GLT1D1: variants seen among roughly 807,000 people sequenced by gnomAD.
The protein encoded by GLT1D1 is glycosyltransferase 1 domain-containing protein 1.
GLT1D1 carries 21 observed loss-of-function variants against 28.7 expected under a neutral mutation model. The ratio of observed to expected loss-of-function variants is 0.73; its 90% confidence interval spans 0.52 to 1.05. The LOEUF is 1.05. GLT1D1 is among the 50% of genes least tolerant of loss of function. The probability of loss-of-function intolerance (pLI) is 0.00; values close to 1 mark genes in which losing one functional copy is unlikely to be tolerated. For missense variants in GLT1D1, 343 were observed against 330.6 expected, an observed-to-expected ratio of 1.04 and a Z score of -0.29; for synonymous variants, 147 against 124.8, an observed-to-expected ratio of 1.18 and a Z score of -1.19.
At chr12:128,950,447 A>G (rs11060039) in intron 6 of GLT1D1, among the ~76,000 whole-genome samples, 68,843 of 152,124 alleles carry the variant, frequency 0.45, 16,691 homozygotes, top group Non-Finnish European at 0.54. Context: ...CCATCGCCAC[A>G]TGACAAGCAA....
At chr12:128,940,018 T>G (rs931620222) in intron 4 of GLT1D1, among the ~76,000 whole-genome samples, 2 of 151,962 alleles carry the variant, frequency 1.3e-5, no homozygotes, top group Non-Finnish European at 2.9e-5. Context: ...AAGATTAAGC[T>G]TATAGATTAT....
intron 1 of GLT1D1, among the ~76,000 whole-genome samples, chr12:128,867,539 G>A (rs970113274): frequency 3.3e-5 from 5 of 152,082 alleles, no homozygotes; most frequent in South Asian, 2.1e-4. Flanking sequence ...CAGCAGGTGC[G>A]CTTGGTCACT....
chr12:128,942,756 G>T (rs59487773), intron 4 of GLT1D1, among the ~76,000 whole-genome samples: 30,983 of 119,874 alleles, frequency 0.26, 5,254 homozygotes, highest in Non-Finnish European at 0.29. Context: ...TTTGTTTTTT[G>T]TTTTTTTTTT....
At chr12:128,910,802 G>A (rs1424248681) in intron 4 of GLT1D1, among the ~76,000 whole-genome samples, 1 of 151,986 alleles carries the variant, frequency 6.6e-6, no homozygotes, top group Non-Finnish European at 1.5e-5. Flanking sequence ...ATACCTGCTT[G>A]CACGATGAAG....
intron 4 of GLT1D1, among the ~76,000 whole-genome samples, chr12:128,929,532 G>A (rs754789506): frequency 1.3e-5 from 2 of 152,156 alleles, no homozygotes; most frequent in Admixed American, 6.5e-5. Context: ...CTGTTTTGTG[G>A]TTCTTTCTTA....
intron 4 of GLT1D1, among the ~76,000 whole-genome samples, chr12:128,908,383 TC>T (rs796406163): frequency 5.4e-4 from 23 of 42,274 alleles, no homozygotes; most frequent in East Asian, 1.3e-3. Context: ...CTTTTCTTTC[TC>T]TTTCTTTCTC....
chr12:128,929,891 A>G (rs1188258254), intron 4 of GLT1D1, among the ~76,000 whole-genome samples: 1 of 152,184 alleles, frequency 6.6e-6, no homozygotes, highest in Non-Finnish European at 1.5e-5. Flanking sequence ...CACGAGAATC[A>G]CTTGAACCTG....
intron 7 of GLT1D1, among the ~76,000 whole-genome samples, chr12:128,971,100 C>T (rs552003496): frequency 6.6e-6 from 1 of 152,318 alleles, no homozygotes; most frequent in South Asian, 2.1e-4. Context: ...AGCAGTCATC[C>T]CGCCCAATCA....
At chr12:128,974,817 A>G (rs991370282) in intron 7 of GLT1D1, among the ~76,000 whole-genome samples, 2 of 152,188 alleles carry the variant, frequency 1.3e-5, no homozygotes, top group Non-Finnish European at 2.9e-5. Context: ...TACGTTTTTG[A>G]GCACTGGATG....
At chr12:128,968,918 G>GCTGC (rs1878752593) in intron 7 of GLT1D1, among the ~76,000 whole-genome samples, 2 of 152,018 alleles carry the variant, frequency 1.3e-5, no homozygotes, top group African/African-American at 2.4e-5. Flanking sequence ...CCCCTTCCCT[G>GCTGC]CTGCTGCCGT....
At chr12:128,874,124 C>CTCTCTCTTTCTTTCTT (rs1956807030) in intron 1 of GLT1D1, among the ~76,000 whole-genome samples, 1 of 39,232 alleles carries the variant, frequency 2.5e-5, no homozygotes, top group Non-Finnish European at 4.3e-5. Context: ...CTCTCTCTCT[C>CTCTCTCTTTCTTTCTT]TCTTTCTTTC....
chr12:128,859,604 T>C (rs1272528066), intron 1 of GLT1D1, among the ~76,000 whole-genome samples: 1 of 152,068 alleles, frequency 6.6e-6, no homozygotes. Context: ...TGAACCCTTC[T>C]CTAGGTGGGG....
intron 4 of GLT1D1, among the ~76,000 whole-genome samples, chr12:128,939,011 G>A (rs2135474812): frequency 6.6e-6 from 1 of 152,216 alleles, no homozygotes; most frequent in South Asian, 2.1e-4. Flanking sequence ...CCCTAGGAAG[G>A]TCCTCTCAGC....
At chr12:128,881,256 G>T (rs1415603192) in intron 2 of GLT1D1, among the ~76,000 whole-genome samples, 1 of 148,602 alleles carries the variant, frequency 6.7e-6, no homozygotes, top group Non-Finnish European at 1.5e-5. Flanking sequence ...TATAGTCCAG[G>T]CGCGGTGCCT....
intron 4 of GLT1D1, among the ~76,000 whole-genome samples, chr12:128,923,271 C>A (rs999164672): frequency 2.0e-5 from 3 of 152,162 alleles, no homozygotes; most frequent in African/African-American, 7.2e-5. Context: ...CTTGAACCTG[C>A]ATAATTTTAT....
intron 4 of GLT1D1, among the ~76,000 whole-genome samples, chr12:128,920,007 CTCTA>C (rs1872524366): frequency 1.0e-5 from 1 of 97,458 alleles, no homozygotes; most frequent in African/African-American, 3.9e-5. Flanking sequence ...CCATCTCTCT[CTCTA>C]TCTCTCTGTC....
At chr12:128,934,482 C>T (rs977962649) in intron 4 of GLT1D1, among the ~76,000 whole-genome samples, 9 of 152,212 alleles carry the variant, frequency 5.9e-5, no homozygotes, top group Non-Finnish European at 4.4e-5. Flanking sequence ...GCGTGAGCCA[C>T]TGCGCCCGGC....
intron 7 of GLT1D1, among the ~76,000 whole-genome samples, chr12:128,963,977 T>C (rs1878212660): frequency 6.6e-6 from 1 of 152,172 alleles, no homozygotes; most frequent in Non-Finnish European, 1.5e-5. Flanking sequence ...GCAACAAACA[T>C]TTCTCTCTCA....
intron 2 of GLT1D1, among the ~76,000 whole-genome samples, chr12:128,881,792 A>T (rs1957067467): frequency 6.6e-6 from 1 of 151,274 alleles, no homozygotes; most frequent in Admixed American, 6.6e-5. Context: ...TAAAAATTGC[A>T]ATCATATTAT....
Sources: allele counts gnomAD v4.1 joint callset (sites outside exome capture counted in the v4.1 genomes callset), GRCh38; gene constraint gnomAD v4.1.1; transcripts MANE v1.5; gene names NCBI Gene and HGNC (gene_info 2026-07-23, HGNC 2026-07-21).